The following LARP1B variants were observed in gnomAD, a reference collection of about 807,000 sequenced individuals.
LARP1B encodes La ribonucleoprotein 1B.
LARP1B carries 76 observed loss-of-function variants against 114.2 expected under a neutral mutation model. The ratio of observed to expected loss-of-function variants is 0.67; its 90% confidence interval spans 0.55 to 0.81. The LOEUF (loss-of-function observed/expected upper bound fraction) is 0.81. LARP1B is among the 30% of genes least tolerant of loss of function. The pLI is 0.00. For missense variants in LARP1B, 1,014 were observed against 1,075.8 expected (o/e 0.94, Z 0.80); for synonymous variants, 345 against 348.0 (o/e 0.99, Z 0.10).
intron 11 of LARP1B, among the ~76,000 whole-genome samples, chr4:128,137,741 T>TTA (rs1453233682): frequency 2.0e-5 from 3 of 150,418 alleles, no homozygotes; most frequent in Non-Finnish European, 4.4e-5. Context: ...CATACACACA[T>TTA]TATATATATA....
At chr4:128,169,915 G>A (rs541422298) in intron 12 of LARP1B, among the ~76,000 whole-genome samples, 7 of 152,196 alleles carry the variant, frequency 4.6e-5, no homozygotes, top group African/African-American at 1.7e-4. Context: ...GGGATTACAG[G>A]CATGAGCCAT....
chr4:128,114,881 T>A, intron 10 of LARP1B, 139 bp downstream of exon 10: 1 of 634,472 alleles, frequency 1.6e-6, no homozygotes, highest in Non-Finnish European at 2.8e-6. Flanking sequence ...TGGCCTTCAG[T>A]AGACACTTAT....
At chr4:128,165,080 A>G (rs1365543917) in intron 12 of LARP1B, among the ~76,000 whole-genome samples, 8 of 152,178 alleles carry the variant, frequency 5.3e-5, no homozygotes, top group African/African-American at 1.9e-4. Context: ...GGATAGATGC[A>G]TAGCACATAG....
intron 11 of LARP1B, among the ~76,000 whole-genome samples, chr4:128,132,427 G>A (rs779761802): frequency 6.6e-6 from 1 of 151,924 alleles, no homozygotes; most frequent in Non-Finnish European, 1.5e-5. Context: ...GTATTTTTTG[G>A]TAGAGACGGA....
At chr4:128,187,153 G>T (rs1750650833) in intron 15 of LARP1B, among the ~76,000 whole-genome samples, 1 of 152,194 alleles carries the variant, frequency 6.6e-6, no homozygotes, top group Non-Finnish European at 1.5e-5. Flanking sequence ...CTCCCCACTG[G>T]GGCACTGCCT....
chr4:128,075,753 C>T (rs1471800775), intron 3 of LARP1B, among the ~76,000 whole-genome samples: 3 of 151,576 alleles, frequency 2.0e-5, no homozygotes, highest in Admixed American at 6.6e-5. Flanking sequence ...GGTCATGTTG[C>T]CCAGGCTGGT....
At chr4:128,189,964 C>G (rs1473387245) in intron 15 of LARP1B, among the ~76,000 whole-genome samples, 2 of 152,216 alleles carry the variant, frequency 1.3e-5, no homozygotes, top group Admixed American at 1.3e-4. Context: ...GAATGGATTA[C>G]ATGTAACAAT....
chr4:128,109,091 G>T (rs1783087834), intron 9 of LARP1B, among the ~76,000 whole-genome samples: 1 of 152,068 alleles, frequency 6.6e-6, no homozygotes, highest in Non-Finnish European at 1.5e-5. Flanking sequence ...ATTCACATTA[G>T]GTCATAGGAA....
rs567681966 is a variant in LARP1B at position 128,178,678 on chromosome 4, T to C, written c.1896+36T>C. 3.5e-6 allele frequency: 5 copies of C among 1,448,400 alleles called. No individual in the cohort carries two copies. The South Asian group carries it at 5.8e-5, about 17-fold the overall frequency. The allele number at this position is 1,448,400 out of a possible 1,614,324, so 89.7% of individuals were successfully genotyped here. ...CAACCAGGAATATAAGGCTTGCATT[T>C]TGTATCCTTTAACATTACAGAATGA... On this transcript the variant is annotated intron_variant, in intron 14 of 19. Coordinates refer to ENST00000326639, the MANE Select transcript of LARP1B (RefSeq NM_018078.4).
At chr4:128,094,395 TTTTTC>T (rs1294444806) in intron 7 of LARP1B, among the ~76,000 whole-genome samples, 2 of 149,438 alleles carry the variant, frequency 1.3e-5, no homozygotes, top group African/African-American at 5.0e-5. Context: ...TTTCTTTTTC[TTTTTC>T]TTTTTTTTTT....
chr4:128,068,314 G>C (rs1025808485), intron 1 of LARP1B, among the ~76,000 whole-genome samples: 3 of 149,772 alleles, frequency 2.0e-5, no homozygotes, highest in Non-Finnish European at 3.0e-5. Flanking sequence ...CACCACACCC[G>C]GCTTTTTTTT....
rs369643733 is a variant in LARP1B at position 128,107,367 on chromosome 4, TTTAC to T, written c.988+62_988+65del. On this transcript the variant is annotated intron_variant, in intron 9 of 19. Transcript: ENST00000326639. ...TGTAACAGTGGGTTATTTGGTCCAA[TTTAC>T]TTACTTATTTATTTATTTTCAGTTT... The T allele has an allele frequency of 2.7e-4, 434 of 1,586,580 alleles. 3 individuals are homozygous for T. The South Asian group carries it at 3.5e-3, about 13-fold the overall frequency.
rs550544016 is a variant in LARP1B at position 128,162,101 on chromosome 4, T to A, written c.1525-93T>A. Reference sequence around the variant, plus strand: ...ACTCCATTGTAATTAATCCCTGTTTTAGAAGTTCATTTTTTTGAGGTTGGT... The same window carrying A: ...ACTCCATTGTAATTAATCCCTGTTTAAGAAGTTCATTTTTTTGAGGTTGGT... On this transcript the variant is annotated intron_variant, in intron 11 of 19. Coordinates refer to ENST00000326639, the MANE Select transcript of LARP1B (RefSeq NM_018078.4). 1.5e-5 allele frequency: 18 copies of A among 1,173,162 alleles called. No homozygotes were observed. The South Asian group carries it at 2.4e-4, about 15-fold the overall frequency. 72.7% of individuals were successfully genotyped at this position (1,173,162 alleles called of 1,614,324 possible).
chr4:128,194,509 C>T (rs1578584162), intron 15 of LARP1B, among the ~76,000 whole-genome samples: 1 of 151,794 alleles, frequency 6.6e-6, no homozygotes, highest in East Asian at 2.0e-4. Context: ...GGTGAAACCC[C>T]GTCTCTGCTA....
chr4:128,073,614 A>G (rs1363679965), intron 1 of LARP1B, among the ~76,000 whole-genome samples: 1 of 32,060 alleles, frequency 3.1e-5, no homozygotes, highest in African/African-American at 9.9e-5. Context: ...TTTTTTGGAC[A>G]GAGTCTAGCT....
Position 128,162,236 on chromosome 4 carries a change from G to A in LARP1B, c.1567G>A (p.Glu523Lys). ...TAAGAAGCTAAATCTCATTAGTAAA[G>A]AGCAGTTTGAAAACCTAACACCTGA... ...NFKKLNLISK[E>K]QFENLTPELP... Residue 523 changes from glutamate to lysine, a missense_variant, in exon 12 of 20, where the codon GAG becomes AAG. Transcript: ENST00000326639. The A allele has an allele frequency of 1.2e-6, 2 of 1,612,686 alleles. No individual in the cohort carries two copies. The highest frequency in any genetic ancestry group is 1.7e-6 in the Non-Finnish European group (2 of 1,179,000).
At chr4:128,169,898 A>G (rs13123575) in intron 12 of LARP1B, among the ~76,000 whole-genome samples, 2 of 152,304 alleles carry the variant, frequency 1.3e-5, no homozygotes, top group Non-Finnish European at 2.9e-5. Flanking sequence ...CGGCCTCCCA[A>G]AGTGCTGGGA....
Position 128,150,248 on chromosome 4 carries a change from C to A in LARP1B, c.1525-11946C>A, listed in dbSNP as rs370924586. 1.3e-4 allele frequency among the ~76,000 whole-genome samples: 20 copies of A among 151,546 alleles called. No homozygotes were observed. The East Asian group carries it at 3.1e-3, about 23-fold the overall frequency. ...ATAAATGGTGTCTGAGATTATGACC[C>A]ATAAAGGGACACATTCTATCTCAAC... On this transcript the variant is annotated intron_variant, in intron 11 of 19. Coordinates refer to ENST00000326639, the MANE Select transcript of LARP1B (RefSeq NM_018078.4).
At chr4:128,162,144 G>T (rs1055502694) in intron 11 of LARP1B, 50 bp from the exon 12 acceptor site, 54 of 1,575,722 alleles carry the variant, frequency 3.4e-5, no homozygotes, top group Non-Finnish European at 4.7e-5. Flanking sequence ...ATTGTCTGTT[G>T]GTTACTCTGT....
Sources: allele counts gnomAD v4.1 joint callset (sites outside exome capture counted in the v4.1 genomes callset), GRCh38; gene constraint gnomAD v4.1.1; transcripts MANE v1.5; gene names NCBI Gene and HGNC (gene_info 2026-07-23, HGNC 2026-07-21).